Variants in CSMD3 observed in about 807,000 individuals in gnomAD.
CSMD3 encodes the protein CUB and Sushi multiple domains 3, also known as CUB and sushi domain-containing protein 3.
In CSMD3, 177 loss-of-function variants were observed where a neutral mutation model predicts 435.2. That is an observed-to-expected ratio of 0.41 (90% CI 0.36 to 0.46). The LOEUF is 0.46. Among genes scored for constraint, CSMD3 ranks in the 20% least tolerant of loss-of-function variants. The pLI is 0.34. For missense variants in CSMD3, 4,265 were observed against 4,504.6 expected (o/e 0.95, Z 1.52); for synonymous variants, 1,656 against 1,520.5 (o/e 1.09, Z -2.07).
chr8:113,323,439 T>C (rs1209635679), intron 1 of CSMD3, among the ~76,000 whole-genome samples: 2 of 152,204 alleles, frequency 1.3e-5, no homozygotes, highest in African/African-American at 2.4e-5. Context: ...CTCAATATAT[T>C]TGCAGCTCCA....
At chr8:112,703,607 CTATAATTCAAA>C in intron 13 of CSMD3, among the ~76,000 whole-genome samples, 1 of 152,210 alleles carries the variant, frequency 6.6e-6, no homozygotes, top group African/African-American at 2.4e-5. Flanking sequence ...ACAGTTGACA[CTATAATTCAAA>C]TACTTCACAG....
intron 11 of CSMD3, among the ~76,000 whole-genome samples, chr8:112,851,848 A>C (rs2080499333): frequency 6.6e-6 from 1 of 152,182 alleles, no homozygotes; most frequent in African/African-American, 2.4e-5. Flanking sequence ...ATTTGAATGA[A>C]TAAGTAAGTA....
At chr8:113,010,810 A>C (rs2086230336) in intron 6 of CSMD3, among the ~76,000 whole-genome samples, 1 of 151,578 alleles carries the variant, frequency 6.6e-6, no homozygotes. Flanking sequence ...ACTATCCATG[A>C]TATTTTCTTT....
At chr8:112,708,521 G>A (rs933361829) in intron 13 of CSMD3, among the ~76,000 whole-genome samples, 6 of 151,942 alleles carry the variant, frequency 3.9e-5, no homozygotes, top group African/African-American at 2.4e-5. Flanking sequence ...CCAAAACATG[G>A]TAACAGACAG....
At chr8:112,566,646 T>TA (rs1338676595) in intron 24 of CSMD3, among the ~76,000 whole-genome samples, 1 of 152,082 alleles carries the variant, frequency 6.6e-6, no homozygotes, top group Non-Finnish European at 1.5e-5. Context: ...GCTGGACACT[T>TA]ACATGGGTGA....
At chr8:113,208,749 GTATA>G (rs1358475468) in intron 3 of CSMD3, among the ~76,000 whole-genome samples, 1 of 151,836 alleles carries the variant, frequency 6.6e-6, no homozygotes, top group Non-Finnish European at 1.5e-5. Flanking sequence ...ATTTATAAGT[GTATA>G]TATATTTTGT....
intron 53 of CSMD3, 90 bp from the exon 54 acceptor site, chr8:112,296,096 A>C (rs927100520): frequency 6.7e-6 from 7 of 1,046,750 alleles, no homozygotes; most frequent in Admixed American, 2.0e-5. Flanking sequence ...AAACCTTTAA[A>C]GTTGTCTTAA....
At chr8:112,591,024 A>T (rs1027938157) in intron 22 of CSMD3, among the ~76,000 whole-genome samples, 7 of 152,080 alleles carry the variant, frequency 4.6e-5, no homozygotes, top group Non-Finnish European at 8.8e-5. Flanking sequence ...TAAATCATAA[A>T]AATTAATAAT....
chr8:112,693,002 T>C (rs1407909699), intron 13 of CSMD3, among the ~76,000 whole-genome samples: 1 of 151,940 alleles, frequency 6.6e-6, no homozygotes, highest in Non-Finnish European at 1.5e-5. Flanking sequence ...CTGTATAAAG[T>C]TCAGGACTAT....
chr8:112,914,942 C>T (rs1347920340), intron 10 of CSMD3, among the ~76,000 whole-genome samples: 4 of 151,832 alleles, frequency 2.6e-5, no homozygotes, highest in African/African-American at 9.7e-5. Context: ...AGTTTTCCAA[C>T]TTTTTATGTG....
At chr8:112,268,073 CCTT>C (rs1198986396) in intron 59 of CSMD3, among the ~76,000 whole-genome samples, 3 of 152,094 alleles carry the variant, frequency 2.0e-5, no homozygotes, top group African/African-American at 7.2e-5. Context: ...AGATCATTGA[CCTT>C]CTTAAATACC....
At chr8:113,240,728 C>T (rs1202247038) in intron 3 of CSMD3, among the ~76,000 whole-genome samples, 1 of 152,096 alleles carries the variant, frequency 6.6e-6, no homozygotes, top group East Asian at 1.9e-4. Flanking sequence ...TATATTGCAA[C>T]ATGAACAGGT....
At chr8:112,601,965 T>C (rs182274328) in intron 22 of CSMD3, among the ~76,000 whole-genome samples, 42 of 152,280 alleles carry the variant, frequency 2.8e-4, no homozygotes, top group African/African-American at 9.9e-4. Flanking sequence ...AGGTTAAGCA[T>C]AACGTTAATA....
At chr8:113,078,926 G>A (rs887514948) in intron 5 of CSMD3, among the ~76,000 whole-genome samples, 1 of 152,096 alleles carries the variant, frequency 6.6e-6, no homozygotes, top group Non-Finnish European at 1.5e-5. Context: ...GAAGGTTAGA[G>A]TCCTAGTTAA....
At chr8:112,432,703 T>A (rs2130412702) in intron 32 of CSMD3, among the ~76,000 whole-genome samples, 1 of 152,172 alleles carries the variant, frequency 6.6e-6, no homozygotes, top group South Asian at 2.1e-4. Context: ...ACATAGGACA[T>A]CTCAGAAAGA....
At chr8:112,477,691 G>C (rs1819199009) in intron 31 of CSMD3, among the ~76,000 whole-genome samples, 1 of 152,096 alleles carries the variant, frequency 6.6e-6, no homozygotes, top group Admixed American at 6.6e-5. Flanking sequence ...AGCTTTCTGA[G>C]GCCCTCACCA....
intron 9 of CSMD3, among the ~76,000 whole-genome samples, chr8:112,925,833 A>T (rs1018434212): frequency 4.6e-5 from 7 of 152,148 alleles, no homozygotes; most frequent in Non-Finnish European, 1.0e-4. Context: ...TCTGATTTAG[A>T]TTTTCTAGGT....
chr8:113,010,388 T>A (rs1444900129), intron 6 of CSMD3, among the ~76,000 whole-genome samples: 1 of 151,800 alleles, frequency 6.6e-6, no homozygotes, highest in African/African-American at 2.4e-5. Flanking sequence ...TAGAAGAGAT[T>A]GGCAAATTTT....
chr8:112,830,636 A>C (rs1325238402), intron 11 of CSMD3, among the ~76,000 whole-genome samples: 1 of 152,160 alleles, frequency 6.6e-6, no homozygotes, highest in Non-Finnish European at 1.5e-5. Flanking sequence ...ATCACCTGAT[A>C]AAATGAATGC....
Sources: allele counts gnomAD v4.1 joint callset (sites outside exome capture counted in the v4.1 genomes callset), GRCh38; gene constraint gnomAD v4.1.1; transcripts MANE v1.5; gene names NCBI Gene and HGNC (gene_info 2026-07-23, HGNC 2026-07-21).